Variants in IFFO2 observed in about 807,000 individuals in gnomAD.
IFFO2 encodes the protein intermediate filament family orphan 2.
Under a neutral mutation model 53.5 loss-of-function variants are expected in IFFO2, and 19 were observed. That is an observed-to-expected ratio of 0.36 (90% confidence interval 0.25 to 0.52). The LOEUF is 0.52. Among genes scored for constraint, IFFO2 ranks in the 20% least tolerant of loss-of-function variants. The pLI, the probability that IFFO2 is intolerant of heterozygous loss-of-function variation, is 0.94. For synonymous variants in IFFO2, 303 were observed against 313.6 expected (o/e 0.97, Z 0.36); for missense variants, 570 against 727.4 (o/e 0.78, Z 2.49).
chr1:18,922,156 G>T (rs76004724), intron 1 of IFFO2, among the ~76,000 whole-genome samples: 6,538 of 152,264 alleles, frequency 0.043, 183 homozygotes, highest in East Asian at 0.089. Flanking sequence ...GGACGCTCCA[G>T]ACTGGTTGCT....
At chr1:18,949,633 T>C (rs1936633641) in intron 1 of IFFO2, among the ~76,000 whole-genome samples, 1 of 152,266 alleles carries the variant, frequency 6.6e-6, no homozygotes, top group Admixed American at 6.5e-5. Context: ...TCAATTCTCC[T>C]GGAAGGCAAC....
intron 1 of IFFO2, among the ~76,000 whole-genome samples, chr1:18,954,818 T>C (rs1260551168): frequency 6.6e-6 from 1 of 152,240 alleles, no homozygotes; most frequent in Non-Finnish European, 1.5e-5. Context: ...ACCCCAGTTC[T>C]AGCCAGAGAT....
intron 1 of IFFO2, among the ~76,000 whole-genome samples, chr1:18,925,616 G>A (rs1015958777): frequency 7.2e-5 from 11 of 152,352 alleles, no homozygotes; most frequent in East Asian, 3.9e-4. Context: ...CACAGGAGCC[G>A]GGTCTCAGGT....
intron 5 of IFFO2, 98 bp from the exon 6 acceptor site, chr1:18,912,181 C>T (rs950355762): frequency 4.2e-6 from 6 of 1,444,636 alleles, no homozygotes; most frequent in Non-Finnish European, 4.7e-6. Context: ...AGGTACACAG[C>T]TTCAAGGCTG....
chr1:18,909,394 T>C (rs1935999775), intron 8 of IFFO2, among the ~76,000 whole-genome samples: 1 of 152,204 alleles, frequency 6.6e-6, no homozygotes. Context: ...GTGCCATGCC[T>C]GACACTTGTC....
rs1936161612 is a variant in IFFO2, at chr1:18,918,076, G to A, written c.963+286C>T. On this transcript the variant is annotated intron_variant, in intron 4 of 8. Coordinates refer to ENST00000455833, the MANE Select transcript of IFFO2 (RefSeq NM_001136265.2). This position sits in a 1 kb window ranked among gnomAD's most constrained non-coding sequence, Gnocchi z 5.2. Reference sequence around the variant, plus strand: ...GGCTGGTGAACCAAGCCCTGGAGGGGCAGGAGACTGATTTCTGCCACTTCC... The same window carrying A: ...GGCTGGTGAACCAAGCCCTGGAGGGACAGGAGACTGATTTCTGCCACTTCC... Among the ~76,000 whole-genome samples, 1 of 152,210 alleles carries A rather than the reference G, an allele frequency of 6.6e-6. No homozygotes were observed. Among genetic ancestry groups the A allele is most frequent in the African/African-American group, 2.4e-5 (1 of 41,460 alleles).
rs56042056 is a variant in IFFO2, at chr1:18,912,309, ATT to A, written c.1104-228_1104-227del. Among the ~76,000 whole-genome samples, 1,464 of 151,058 alleles carry A rather than the reference ATT, an allele frequency of 9.7e-3. 24 individuals carry two copies. The highest frequency in any genetic ancestry group is 0.057 in the East Asian group (294 of 5,138). On this transcript the variant is annotated intron_variant, in intron 5 of 8. Transcript: ENST00000455833. ...ATTGCTTGTACAATTAAAAATGTGT[ATT>A]TTTTTTTTAATGTCAGGCTTTAATT...
Position 18,956,081 on chromosome 1 carries a change from C to T in IFFO2, c.252G>A (p.Gln84=). ...LERRNRLLEK[Q]LEQQQSERER... ...CGCGCTCGCTCTGCTGCTGCTCCAGCTGCTTCTCCAGCAGCCGGTTGCGCC... is the reference window on the plus strand; with the variant it reads ...CGCGCTCGCTCTGCTGCTGCTCCAGTTGCTTCTCCAGCAGCCGGTTGCGCC... Residue 84 remains glutamine, a synonymous_variant, in exon 1 of 9, where the codon CAG becomes CAA. Transcript: ENST00000455833. This position sits in a 1 kb window ranked among gnomAD's most constrained non-coding sequence, Gnocchi z 6.4. 6.7e-7 allele frequency: 1 copy of T among 1,499,516 alleles called. No individual in the cohort carries two copies. The highest frequency in any genetic ancestry group is 9.0e-7 in the Non-Finnish European group (1 of 1,116,378). The allele number at this position is 1,499,516 out of a possible 1,614,324, so 92.9% of individuals were successfully genotyped here.
Position 18,911,982 on chromosome 1 carries a change from G to A in IFFO2, c.1205C>T (p.Thr402Ile), listed in dbSNP as rs765527973. 1 of 1,551,712 alleles carries A rather than the reference G, an allele frequency of 6.4e-7. No homozygotes were observed. Among genetic ancestry groups the A allele is most frequent in the South Asian group, 1.2e-5 (1 of 84,058 alleles). ...GCTTACCTCGCCCTGCAGGTCGATGGTCGGATTGCAGTTGGTGAAATCCTC... is the reference window on the plus strand; with the variant it reads ...GCTTACCTCGCCCTGCAGGTCGATGATCGGATTGCAGTTGGTGAAATCCTC... ...LWEDFTNCNP[T>I]IDLQGEQEEN... Residue 402 changes from threonine (T) to isoleucine (I), a missense_variant, in exon 6 of 9, where the codon ACC (threonine) becomes ATC (isoleucine). By Grantham distance (89) the Thr-to-Ile change is moderately conservative. Coordinates refer to ENST00000455833, the MANE Select transcript of IFFO2 (RefSeq NM_001136265.2).
In IFFO2 at chr1:18,917,035, G is replaced by C. The variant is rs1248124319; in HGVS notation, c.971C>G (p.Pro324Arg). The C allele has an allele frequency of 3.9e-6, 6 of 1,552,224 alleles. No individual in the cohort carries two copies. In the South Asian group the frequency reaches 7.1e-5, roughly 18 times the overall value. ...AGCCACCTTACGCTCTTTCTTTTTG[G>C]GGACCACCTGAACCGGAAAGGAAGC... The part of the protein sequence containing the change: ...EDVSKIFQVV[P>R]KKKERKVASD... The change falls in exon 5 of 9, where the codon CCC becomes CGC. Residue 324 changes from proline to arginine, a missense_variant. Transcript: ENST00000455833. The surrounding 1 kb of genome is among the most constrained non-coding windows in gnomAD (Gnocchi z 5.9).
At chr1:18,924,103 G>T (rs150902282) in intron 1 of IFFO2, among the ~76,000 whole-genome samples, 3 of 152,216 alleles carry the variant, frequency 2.0e-5, no homozygotes, top group Admixed American at 6.5e-5. Flanking sequence ...AGAGCCTGTC[G>T]CCCGCCCTGA....
Position 18,935,820 on chromosome 1 carries a change from G to C in IFFO2, c.666-14699C>G, listed in dbSNP as rs1322341267. Among the ~76,000 whole-genome samples, 2 of 149,806 alleles carry C rather than the reference G, an allele frequency of 1.3e-5. 1 individual carries two copies. Among genetic ancestry groups the C allele is most frequent in the Non-Finnish European group, 3.0e-5 (2 of 67,634 alleles). ...TCCTCCTGCCTTAGCCTCCCAAGTA[G>C]CTGGGATTATAGGTGCATGCCACCA... On this transcript the variant is annotated intron_variant, in intron 1 of 8. Transcript: ENST00000455833.
At chr1:18,945,125 C>G (rs1936569644) in intron 1 of IFFO2, among the ~76,000 whole-genome samples, 1 of 152,192 alleles carries the variant, frequency 6.6e-6, no homozygotes, top group Admixed American at 6.5e-5. Context: ...ACTGAACCTT[C>G]CAGATACAAC....
At position 18,927,585 on chromosome 1, in the gene IFFO2, CG is replaced by C. The variant is rs375989296; in HGVS notation, c.666-6465del. On this transcript the variant is annotated intron_variant, in intron 1 of 8. Coordinates refer to ENST00000455833, the MANE Select transcript of IFFO2 (RefSeq NM_001136265.2). ...GCCCAGCCAATGCCCCTCAGCTCTG[CG>C]CTGCCCTAGCTCCTGTGTTTGCCCA... Among the ~76,000 whole-genome samples the C allele has an allele frequency of 2.1e-4, 32 of 152,358 alleles. No individual in the cohort carries two copies. In the East Asian group the frequency reaches 5.6e-3, roughly 27 times the overall value.
At chr1:18,938,583 T>G (rs58636332) in intron 1 of IFFO2, among the ~76,000 whole-genome samples, 15,745 of 152,242 alleles carry the variant, frequency 0.1, 1,004 homozygotes, top group African/African-American at 0.17. Flanking sequence ...CCAGCAGGCC[T>G]CGGGGGAAGC....
chr1:18,951,907 G>T (rs186571237), intron 1 of IFFO2, among the ~76,000 whole-genome samples: 1 of 152,104 alleles, frequency 6.6e-6, no homozygotes, highest in Non-Finnish European at 1.5e-5. Context: ...GCCACAACAC[G>T]GGCCTCTTGG....
At chr1:18,948,797 A>G (rs1445159052) in intron 1 of IFFO2, among the ~76,000 whole-genome samples, 1 of 152,212 alleles carries the variant, frequency 6.6e-6, no homozygotes, top group Non-Finnish European at 1.5e-5. Context: ...CCCACCCCAC[A>G]GGGCCAGCAC....
chr1:18,914,046 T>C (rs28498013), intron 5 of IFFO2, among the ~76,000 whole-genome samples: 3,670 of 152,234 alleles, frequency 0.024, 63 homozygotes, highest in Middle Eastern at 0.061. Flanking sequence ...TTAGCCAGGA[T>C]GGTCTCGATC....
chr1:18,955,956 C>G lies in IFFO2; in HGVS notation c.377G>C (p.Ser126Thr), dbSNP rs1420307751. 1 of 1,314,616 alleles carries G rather than the reference C, an allele frequency of 7.6e-7. No homozygotes were observed. The highest frequency in any genetic ancestry group is 9.7e-7 in the Non-Finnish European group (1 of 1,030,714). The allele number at this position is 1,314,616 out of a possible 1,614,324, so 81.4% of individuals were successfully genotyped here. A position where few individuals can be genotyped will look rare whatever the true frequency, so the allele number is the denominator to read the frequency against. The change falls in exon 1 of 9, where the codon AGC becomes ACC. Residue 126 changes from serine to threonine, a missense_variant. Coordinates refer to ENST00000455833, the MANE Select transcript of IFFO2 (RefSeq NM_001136265.2). ...GTTGGCGCCGGCCGCCGCGCCACTG[C>G]TGAGGCCGTGCCCGCCGCCGGGCGC... ...PPAPGGGHGL[S>T]SGAAAGANAN...
Sources: gnomAD v4.1 joint callset for allele counts (sites outside exome capture counted in the v4.1 genomes callset) on GRCh38, gnomAD v4.1.1 for gene constraint, Gnocchi (gnomAD v3.1) non-coding constraint, MANE v1.5 for transcripts, NCBI Gene and HGNC (gene_info 2026-07-23, HGNC 2026-07-21) for gene names.